The following SSBP2 variants were observed in gnomAD, a reference collection of about 807,000 sequenced individuals.
SSBP2 encodes single-stranded DNA-binding protein 2.
SSBP2 carries 17 observed loss-of-function variants against 61.8 expected under a neutral mutation model. That is an observed-to-expected ratio of 0.28 (90% CI 0.19 to 0.41). The LOEUF (loss-of-function observed/expected upper bound fraction) is 0.41, where lower values mean the gene tolerates loss of function less well. Among genes scored for constraint, SSBP2 ranks in the 10% least tolerant of loss-of-function variants. The probability of loss-of-function intolerance (pLI) is 1.00; values close to 1 mark genes in which losing one functional copy is unlikely to be tolerated. For synonymous variants in SSBP2, 139 were observed against 141.3 expected, an observed-to-expected ratio of 0.98 and a Z score of 0.12; for missense variants, 310 against 458.7, an observed-to-expected ratio of 0.68 and a Z score of 2.96.
At chr5:81,555,129 T>C (rs1772495547) in intron 4 of SSBP2, among the ~76,000 whole-genome samples, 1 of 152,120 alleles carries the variant, frequency 6.6e-6, no homozygotes, top group African/African-American at 2.4e-5. Flanking sequence ...GAAATAATTG[T>C]GATTTCTTAC....
intron 1 of SSBP2, among the ~76,000 whole-genome samples, chr5:81,703,021 T>G (rs923824516): frequency 6.6e-6 from 1 of 152,184 alleles, no homozygotes; most frequent in African/African-American, 2.4e-5. Flanking sequence ...TAATGAGGGA[T>G]TTTTGTCTGT....
chr5:81,532,871 T>C (rs1580939982), intron 4 of SSBP2, among the ~76,000 whole-genome samples: 2 of 151,796 alleles, frequency 1.3e-5, no homozygotes, highest in Admixed American at 1.3e-4. Context: ...ATCTAACTAA[T>C]AAGGTTTAAA....
intron 1 of SSBP2, among the ~76,000 whole-genome samples, chr5:81,693,220 A>AT (rs1347225597): frequency 2.0e-5 from 3 of 151,366 alleles, no homozygotes; most frequent in African/African-American, 7.3e-5. Context: ...AAAAAAAAAA[A>AT]AAAGAAAGAA....
chr5:81,588,139 A>G (rs983861492), intron 4 of SSBP2, among the ~76,000 whole-genome samples: 3 of 151,914 alleles, frequency 2.0e-5, no homozygotes, highest in Non-Finnish European at 4.4e-5. Flanking sequence ...CTAATTTTAA[A>G]AAAAATTGTA....
intron 4 of SSBP2, among the ~76,000 whole-genome samples, chr5:81,569,736 G>A (rs1034682243): frequency 1.3e-5 from 2 of 151,966 alleles, no homozygotes; most frequent in South Asian, 2.1e-4. Flanking sequence ...CTTTTTGCTG[G>A]CAGGTTTTAA....
chr5:81,576,832 G>C (rs1048458325), intron 4 of SSBP2, among the ~76,000 whole-genome samples: 10 of 152,054 alleles, frequency 6.6e-5, no homozygotes, highest in Non-Finnish European at 1.3e-4. Context: ...AGAAGTTCAG[G>C]GTGTTTTTTA....
intron 4 of SSBP2, among the ~76,000 whole-genome samples, chr5:81,563,288 A>C (rs2153421642): frequency 6.6e-6 from 1 of 152,304 alleles, no homozygotes; most frequent in Non-Finnish European, 1.5e-5. Context: ...CTGGAATTGG[A>C]TATCCATCTG....
intron 5 of SSBP2, among the ~76,000 whole-genome samples, chr5:81,508,666 T>C (rs1439332008): frequency 3.3e-5 from 5 of 152,222 alleles, no homozygotes; most frequent in African/African-American, 1.2e-4. Context: ...AGTTGTTATG[T>C]ATTCACAAGT....
intron 1 of SSBP2, among the ~76,000 whole-genome samples, chr5:81,661,605 C>A (rs1231301094): frequency 6.6e-6 from 1 of 151,944 alleles, no homozygotes; most frequent in Non-Finnish European, 1.5e-5. Flanking sequence ...ATTAGTGACA[C>A]TGAGCATTTT....
At position 81,643,105 on chromosome 5, in the gene SSBP2, A is replaced by G. The variant is rs544135182; in HGVS notation, c.136-6487T>C. The stretch of plus-strand genomic sequence containing the variant: ...TTAAGTTCTGCCATCAGGAGACACT[A>G]GCAGGAGATCAAAAAACAGGAAAAA... On this transcript the variant is annotated intron_variant, in intron 2 of 16. Transcript: ENST00000320672. 1.4e-4 allele frequency among the ~76,000 whole-genome samples: 21 copies of G among 152,328 alleles called. 1 individual carries two copies. In the South Asian group the frequency reaches 4.3e-3, roughly 32 times the overall value.
chr5:81,716,358 T>A (rs1184724349), intron 1 of SSBP2, among the ~76,000 whole-genome samples: 1 of 152,138 alleles, frequency 6.6e-6, no homozygotes, highest in Non-Finnish European at 1.5e-5. Context: ...AAAACACTGA[T>A]AAAATGTGTA....
chr5:81,546,911 T>C (rs1194143950), intron 4 of SSBP2, among the ~76,000 whole-genome samples: 2 of 141,282 alleles, frequency 1.4e-5, no homozygotes, highest in Non-Finnish European at 3.0e-5. Context: ...TATTGTAACA[T>C]TTTTAAAAAA....
At chr5:81,485,911 T>C (rs1766345026) in intron 6 of SSBP2, among the ~76,000 whole-genome samples, 1 of 152,246 alleles carries the variant, frequency 6.6e-6, no homozygotes, top group African/African-American at 2.4e-5. Flanking sequence ...ACCGTGTTTA[T>C]GCTTGAAAAG....
chr5:81,435,637 TTA>T (rs1762627877), intron 15 of SSBP2, among the ~76,000 whole-genome samples: 1 of 152,238 alleles, frequency 6.6e-6, no homozygotes, highest in South Asian at 2.1e-4. Flanking sequence ...TAATTAATCA[TTA>T]TGACTTTTTA....
chr5:81,453,217 G>A (rs1298771360), intron 10 of SSBP2, among the ~76,000 whole-genome samples: 1 of 152,080 alleles, frequency 6.6e-6, no homozygotes, highest in African/African-American at 2.4e-5. Context: ...AGGATTGCTT[G>A]AGCACAGGAG....
At position 81,484,030 on chromosome 5, in the gene SSBP2, G is replaced by A. The variant is rs551433990; in HGVS notation, c.432+5220C>T. On this transcript the variant is annotated intron_variant, in intron 6 of 16. Coordinates refer to ENST00000320672, the MANE Select transcript of SSBP2 (RefSeq NM_012446.5). ...TGGGCAGTGCTGCATTAGAATGTCA[G>A]CTCCACAAGAGAGATTTTCATTAGT... 3.1e-3 allele frequency among the ~76,000 whole-genome samples: 469 copies of A among 152,170 alleles called. 3 individuals are homozygous for A. Among genetic ancestry groups the A allele is most frequent in the African/African-American group, 0.011 (451 of 41,520 alleles).
intron 1 of SSBP2, among the ~76,000 whole-genome samples, chr5:81,659,362 T>C (rs990606709): frequency 5.9e-5 from 9 of 152,124 alleles, no homozygotes; most frequent in African/African-American, 1.4e-4. Flanking sequence ...AGCATTCCTA[T>C]ACATTAACAA....
At chr5:81,673,980 T>A (rs566055523) in intron 1 of SSBP2, among the ~76,000 whole-genome samples, 1 of 152,168 alleles carries the variant, frequency 6.6e-6, no homozygotes, top group Non-Finnish European at 1.5e-5. Flanking sequence ...TTTATATCCA[T>A]TGAATAGAGG....
At chr5:81,750,026 C>T (rs1011795058) in intron 1 of SSBP2, among the ~76,000 whole-genome samples, 12 of 151,828 alleles carry the variant, frequency 7.9e-5, no homozygotes, top group African/African-American at 2.2e-4. Flanking sequence ...CGCCCCCGAC[C>T]ACCGCCCCGC....
Sources: gnomAD v4.1 joint callset for allele counts (sites outside exome capture counted in the v4.1 genomes callset) on GRCh38, gnomAD v4.1.1 for gene constraint, MANE v1.5 for transcripts, NCBI Gene and HGNC (gene_info 2026-07-23, HGNC 2026-07-21) for gene names.